The following APOL4 variants were observed in gnomAD, a reference collection of about 807,000 sequenced individuals.
APOL4 encodes the protein apolipoprotein L4, also known as apolipoprotein L, 4.
APOL4 carries 14 observed loss-of-function variants against 12.1 expected under a neutral mutation model. That is an observed-to-expected ratio of 1.16 (90% confidence interval 0.76 to 1.81). The LOEUF (loss-of-function observed/expected upper bound fraction) is 1.81. Ranked by LOEUF, APOL4 falls within the 40% of genes most tolerant of loss-of-function variation. The probability of loss-of-function intolerance (pLI) is 0.00; values close to 1 mark genes in which losing one functional copy is unlikely to be tolerated. For missense variants in APOL4, 432 were observed against 423.1 expected, an observed-to-expected ratio of 1.02 and a Z score of -0.18; for synonymous variants, 171 against 160.6, an observed-to-expected ratio of 1.06 and a Z score of -0.49.
At chr22:36,192,045 A>G in intron 3 of APOL4, 133 bp from the exon 4 acceptor site, 1 of 945,744 alleles carries the variant, frequency 1.1e-6, no homozygotes, top group Non-Finnish European at 1.5e-6. Flanking sequence ...TAAAAGATAA[A>G]TAATTCTTTT....
intron 1 of APOL4, among the ~76,000 whole-genome samples, chr22:36,201,222 C>T (rs993609031): frequency 6.6e-6 from 1 of 150,834 alleles, no homozygotes; most frequent in Non-Finnish European, 1.5e-5. Flanking sequence ...CTTTTCTCAC[C>T]GTGTGTCTCT....
intron 3 of APOL4, among the ~76,000 whole-genome samples, chr22:36,192,856 T>C (rs2014301833): frequency 6.6e-6 from 1 of 152,196 alleles, no homozygotes; most frequent in African/African-American, 2.4e-5. Flanking sequence ...ACTCCATGTC[T>C]GCCATGACGG....
chr22:36,200,505 C>G (rs981776643), intron 1 of APOL4, among the ~76,000 whole-genome samples: 1 of 152,234 alleles, frequency 6.6e-6, no homozygotes, highest in African/African-American at 2.4e-5. Context: ...CTGTGGCTGC[C>G]GAGCCCTCCT....
upstream of APOL4, chr22:36,202,121 T>C (rs2014601481): frequency 1.2e-6 from 2 of 1,607,942 alleles, no homozygotes. Flanking sequence ...TTCATTTCAT[T>C]TTTAATAAAC....
chr22:36,199,502 A>G, intron 1 of APOL4, 126 bp from the exon 2 acceptor site: 1 of 1,610,810 alleles, frequency 6.2e-7, no homozygotes. Flanking sequence ...AACCTAACCC[A>G]GATTCTTTCT....
upstream of APOL4, chr22:36,201,890 T>C (rs1209502442): frequency 2.5e-6 from 4 of 1,599,146 alleles, no homozygotes; most frequent in Non-Finnish European, 3.4e-6. Context: ...TTTTGGTTCC[T>C]AGAAAAACCC....
Position 36,190,130 on chromosome 22 carries a change from G to A in APOL4, c.*945C>T, listed in dbSNP as rs5756094. The A allele has an allele frequency of 0.56, 84,538 of 152,028 alleles. 24,074 individuals are homozygous for A. Among genetic ancestry groups the A allele is most frequent in the East Asian group, 0.82 (4,221 of 5,158 alleles). The allele number at this position is 152,028 out of a possible 1,614,324, so 9.4% of individuals were successfully genotyped here. On this transcript the variant is annotated 3_prime_UTR_variant, in exon 4 of 4. Transcript: ENST00000683024. ...GTGTCCAGGGGAGACATCACACATC[G>A]GTAGGTTCCGTGATGCCTCACAAGC...
At chr22:36,203,395 G>A (rs1445742769), upstream of APOL4, among the ~76,000 whole-genome samples, 1 of 152,106 alleles carries the variant, frequency 6.6e-6, no homozygotes, top group Non-Finnish European at 1.5e-5. Flanking sequence ...TGGGGATGAA[G>A]TAATTCTTTA....
In APOL4 at chr22:36,201,751, T is replaced by G; in HGVS notation, c.-17A>C. ...GGATCCCATCCTCCTTGGTCATTGT[T>G]GGCCTGGCTCAGACGCTGATCTGGG... is the stretch of plus-strand genomic sequence containing the variant. On this transcript the variant is annotated 5_prime_UTR_variant, in exon 1 of 4. Transcript: ENST00000683024. 1 of 1,604,796 alleles carries G rather than the reference T, an allele frequency of 6.2e-7. No individual in the cohort carries two copies. Among genetic ancestry groups the G allele is most frequent in the Non-Finnish European group, 8.5e-7 (1 of 1,175,768 alleles).
intron 1 of APOL4, among the ~76,000 whole-genome samples, chr22:36,200,066 C>T (rs2014526234): frequency 6.6e-6 from 1 of 151,040 alleles, no homozygotes; most frequent in Admixed American, 6.6e-5. Context: ...CTCGGCCTCC[C>T]AAAGTGCTGG....
In APOL4 at chr22:36,189,516, T is replaced by C. The variant is rs1053982; in HGVS notation, c.*1559A>G. The C allele has an allele frequency of 0.56, 84,529 of 151,986 alleles. 24,068 individuals carry two copies. Among genetic ancestry groups the C allele is most frequent in the East Asian group, 0.82 (4,234 of 5,174 alleles). 9.4% of individuals were successfully genotyped at this position (151,986 alleles called of 1,614,324 possible). ...GAGAGTGGATGCTGGTAAGACAGGG[T>C]GAGAGACCATCACCAGGGAAGGATT... is the stretch of plus-strand genomic sequence containing the variant. On this transcript the variant is annotated 3_prime_UTR_variant, in exon 4 of 4. Coordinates refer to ENST00000683024, the MANE Select transcript of APOL4 (RefSeq NM_001386885.1).
chr22:36,191,789 T>C lies in APOL4; in HGVS notation c.333A>G (p.Gln111=). The part of the protein sequence containing the change: ...FREWFLKEFP[Q]IRWKIQESIE... ...TGGACTCCTGAATCTTCCATCTGAT[T>C]TGAGGAAACTCTTTCAAAAACCACT... The change falls in exon 4 of 4, where the codon CAA becomes CAG. Residue 111 remains glutamine, a synonymous_variant. Coordinates refer to ENST00000683024, the MANE Select transcript of APOL4 (RefSeq NM_001386885.1). The C allele has an allele frequency of 6.3e-7, 1 of 1,585,610 alleles. No individual in the cohort carries two copies. Among genetic ancestry groups the C allele is most frequent in the Non-Finnish European group, 8.6e-7 (1 of 1,162,250 alleles).
At chr22:36,195,768 T>TCA (rs1219658115) in intron 2 of APOL4, among the ~76,000 whole-genome samples, 28 of 105,606 alleles carry the variant, frequency 2.7e-4, no homozygotes, top group African/African-American at 8.9e-4. Flanking sequence ...TCTCTCTCTC[T>TCA]CTCTCTCTCA....
At chr22:36,204,206 G>A (rs756357754), upstream of APOL4, among the ~76,000 whole-genome samples, 14 of 152,140 alleles carry the variant, frequency 9.2e-5, no homozygotes, top group African/African-American at 3.1e-4. Context: ...GCCGCACCCC[G>A]GGGCCAGCCT....
rs141522522 is a variant in APOL4, at chr22:36,196,841, T to TATTTAAAAA, written c.83-1413_83-1405dup. On this transcript the variant is annotated intron_variant, in intron 2 of 3. Coordinates refer to ENST00000683024, the MANE Select transcript of APOL4 (RefSeq NM_001386885.1). ...TTGCCATTACTTTGAAGACTCCATA[T>TATTTAAAAA]ATTTAAAAAATGCCTGTGGTTTCTG... Among the ~76,000 whole-genome samples, 346 of 152,350 alleles carry TATTTAAAAA rather than the reference T, an allele frequency of 2.3e-3. 1 individual carries two copies. The highest frequency in any genetic ancestry group is 4.2e-3 in the Non-Finnish European group (285 of 68,024).
rs2014251195 is a variant in APOL4, at chr22:36,191,584, C to T, written c.538G>A (p.Ala180Thr). The T allele has an allele frequency of 6.2e-7, 1 of 1,613,522 alleles. No individual in the cohort carries two copies. Among genetic ancestry groups the T allele is most frequent in the Non-Finnish European group, 8.5e-7 (1 of 1,179,710 alleles). The change falls in exon 4 of 4, where the codon GCC becomes ACC. Residue 180 changes from alanine (A) to threonine (T), a missense_variant. By Grantham distance (58) the Ala-to-Thr change is moderately conservative. Transcript: ENST00000683024. ...ATGCTGGAGGCGATCCCAGCCGTGGCAGATGCTATTCCCAGCCCTACCCCA... is the reference window on the plus strand; with the variant it reads ...ATGCTGGAGGCGATCCCAGCCGTGGTAGATGCTATTCCCAGCCCTACCCCA... ...AAGVGLGIAS[A>T]TAGIASSIVE... is the part of the protein sequence containing the mutation.
chr22:36,203,034 C>T (rs1053049686), upstream of APOL4, among the ~76,000 whole-genome samples: 3 of 152,224 alleles, frequency 2.0e-5, no homozygotes, highest in African/African-American at 7.2e-5. Context: ...TGTAGTTACA[C>T]TCACAATTCC....
At chr22:36,194,165 A>C (rs1174343502) in intron 3 of APOL4, among the ~76,000 whole-genome samples, 1 of 151,982 alleles carries the variant, frequency 6.6e-6, no homozygotes, top group Non-Finnish European at 1.5e-5. Flanking sequence ...ACTCGTCCCC[A>C]CTCTGGAAGT....
chr22:36,192,625 A>T (rs2014291906), intron 3 of APOL4, among the ~76,000 whole-genome samples: 1 of 152,192 alleles, frequency 6.6e-6, no homozygotes, highest in South Asian at 2.1e-4. Context: ...AATTAACTTT[A>T]TTAGAAGAGA....
Sources: allele counts gnomAD v4.1 joint callset (sites outside exome capture counted in the v4.1 genomes callset), GRCh38; gene constraint gnomAD v4.1.1; transcripts MANE v1.5; gene names NCBI Gene and HGNC (gene_info 2026-07-23, HGNC 2026-07-21).